Variants in TSPEAR observed in about 807,000 individuals in gnomAD.
TSPEAR encodes the protein thrombospondin type laminin G domain and EAR repeats, also known as thrombospondin-type laminin G domain and EAR repeat-containing protein.
TSPEAR carries 69 observed loss-of-function variants against 71.6 expected under a neutral mutation model. That is an observed-to-expected ratio of 0.96 (90% CI 0.79 to 1.18). TSPEAR has a LOEUF of 1.18. Among genes scored for constraint, TSPEAR ranks in the 50% most tolerant of loss-of-function variants. TSPEAR has a pLI of 0.00. For synonymous variants in TSPEAR, 402 were observed against 387.2 expected, an observed-to-expected ratio of 1.04 and a Z score of -0.45; for missense variants, 971 against 894.9, an observed-to-expected ratio of 1.09 and a Z score of -1.09.
At chr21:44,500,792 T>C (rs938818884) in intron 11 of TSPEAR, among the ~76,000 whole-genome samples, 5 of 152,262 alleles carry the variant, frequency 3.3e-5, no homozygotes, top group Admixed American at 3.3e-4. Flanking sequence ...TTTGTCCATT[T>C]TTCCAAATTT....
In TSPEAR at chr21:44,558,090, G is replaced by A. The variant is rs76994627; in HGVS notation, c.303+9695C>T. ...CTGGCCTGAGGAGAGGCCGCAGCAC[G>A]CGGAAGAGAGGCGGGAGCACGTGGG... On this transcript the variant is annotated intron_variant, in intron 2 of 11. Transcript: ENST00000323084. 1.3e-3 allele frequency: 2,076 copies of A among 1,612,522 alleles called. 39 individuals are homozygous for A. The African/African-American group carries it at 0.025, about 19-fold the overall frequency.
chr21:44,630,043 G>A (rs990606815), intron 1 of TSPEAR, among the ~76,000 whole-genome samples: 5 of 152,154 alleles, frequency 3.3e-5, no homozygotes, highest in African/African-American at 1.2e-4. Context: ...GGGCTTCAGG[G>A]GCCGTGGTAC....
chr21:44,688,724 A>G (rs1986975076), intron 1 of TSPEAR, among the ~76,000 whole-genome samples: 1 of 152,032 alleles, frequency 6.6e-6, no homozygotes. Context: ...AAAAAAAATG[A>G]AAAGGAAAGA....
rs587625632 is a variant in TSPEAR, at chr21:44,532,144, C to T, written c.543-1011G>A. 3.3e-5 allele frequency among the ~76,000 whole-genome samples: 5 copies of T among 152,368 alleles called. No individual in the cohort carries two copies. The East Asian group carries it at 7.7e-4, about 23-fold the overall frequency. On this transcript the variant is annotated intron_variant, in intron 3 of 11. Transcript: ENST00000323084. ...CAGCCTGCCAAGGGGTTAAGTTCTT[C>T]CGTGGCCACAATTGGTTCCAGGCCT...
Position 44,644,559 on chromosome 21 carries a change from G to A in TSPEAR, c.82+66874C>T, listed in dbSNP as rs937982759. ...GAAGCAGACAGAAACAGGTTAGGGA[G>A]TAAATTGGAGCAGGACCCTAATGCA... On this transcript the variant is annotated intron_variant, in intron 1 of 11. Transcript: ENST00000323084. Among the ~76,000 whole-genome samples, 12 of 152,218 alleles carry A rather than the reference G, an allele frequency of 7.9e-5. No homozygotes were observed. The East Asian group carries it at 1.7e-3, about 22-fold the overall frequency.
At chr21:44,645,571 C>T (rs1017031830) in intron 1 of TSPEAR, among the ~76,000 whole-genome samples, 1 of 151,836 alleles carries the variant, frequency 6.6e-6, no homozygotes, top group African/African-American at 2.4e-5. Context: ...CCAGGCTGGT[C>T]TCAAACTCCT....
chr21:44,579,116 G>A (rs233286), intron 1 of TSPEAR, among the ~76,000 whole-genome samples: 31,625 of 152,180 alleles, frequency 0.21, 4,204 homozygotes, highest in South Asian at 0.32. Flanking sequence ...TGGAGGCTGC[G>A]GTGCCCGGAC....
intron 1 of TSPEAR, chr21:44,677,285 C>G: frequency 1.3e-6 from 1 of 784,378 alleles, no homozygotes. Context: ...GTTCCTTCAA[C>G]GCACCTTGCA....
In TSPEAR at chr21:44,633,995, A is replaced by C. The variant is rs887534087; in HGVS notation, c.83-65990T>G. On this transcript the variant is annotated intron_variant, in intron 1 of 11. Transcript: ENST00000323084. Reference sequence around the variant, plus strand: ...AATGATGGCTTATGCCTGTAATCCCAACTACTCAGGAGGTTGAGATGAGAG... The same window carrying C: ...AATGATGGCTTATGCCTGTAATCCCCACTACTCAGGAGGTTGAGATGAGAG... Among the ~76,000 whole-genome samples the C allele has an allele frequency of 3.9e-5, 6 of 152,188 alleles. No homozygotes were observed. The South Asian group carries it at 1.2e-3, about 32-fold the overall frequency.
intron 2 of TSPEAR, chr21:44,539,997 G>A (rs782560857): frequency 2.6e-4 from 414 of 1,613,142 alleles, no homozygotes; most frequent in African/African-American, 2.5e-3. Context: ...CTGGACACAC[G>A]GCTCACTGGG....
intron 1 of TSPEAR, among the ~76,000 whole-genome samples, chr21:44,573,127 G>A (rs587723342): frequency 6.6e-6 from 1 of 152,186 alleles, no homozygotes; most frequent in South Asian, 2.1e-4. Flanking sequence ...GTTTGTCATG[G>A]CAGCCCAAGG....
At chr21:44,697,690 G>T (rs781816129) in intron 1 of TSPEAR, 1 of 1,612,814 alleles carries the variant, frequency 6.2e-7, no homozygotes, top group East Asian at 2.2e-5. Context: ...TCTGCTGTGT[G>T]CCTGTCTGCT....
Position 44,580,288 on chromosome 21 carries a change from C to T in TSPEAR, c.83-12283G>A, listed in dbSNP as rs376100737. The T allele has an allele frequency of 5.6e-6, 9 of 1,601,932 alleles. No homozygotes were observed. In the African/African-American group the frequency reaches 8.4e-5, roughly 15 times the overall value. ...CCTTAGAGCAGGTGGGCAGGCAGCA[C>T]ACAGGCTTGCAGCAGACGGGCACGC... On this transcript the variant is annotated intron_variant, in intron 1 of 11. Transcript: ENST00000323084.
intron 2 of TSPEAR, among the ~76,000 whole-genome samples, chr21:44,543,275 A>T (rs587681922): frequency 6.6e-6 from 1 of 152,382 alleles, no homozygotes; most frequent in Admixed American, 6.5e-5. Flanking sequence ...TAAAATATTT[A>T]TGGAAATAAA....
At chr21:44,676,597 TCAGA>T in intron 1 of TSPEAR, 1 of 731,976 alleles carries the variant, frequency 1.4e-6, no homozygotes, top group East Asian at 2.5e-5. Flanking sequence ...CGAGAGTTTC[TCAGA>T]CAGGTTCTGC....
intron 1 of TSPEAR, chr21:44,697,817 G>GC: frequency 6.2e-7 from 1 of 1,613,198 alleles, no homozygotes; most frequent in Non-Finnish European, 8.5e-7. Flanking sequence ...GTGCAGACCC[G>GC]CCCGCCGCGT....
At chr21:44,704,309 C>T (rs1555951971) in intron 1 of TSPEAR, among the ~76,000 whole-genome samples, 1 of 144,248 alleles carries the variant, frequency 6.9e-6, no homozygotes, top group African/African-American at 2.5e-5. Context: ...AAGCCAGTTT[C>T]CCACTTCCCT....
At chr21:44,677,829 A>C (rs587659674) in intron 1 of TSPEAR, 1 of 1,304,398 alleles carries the variant, frequency 7.7e-7, no homozygotes, top group African/African-American at 1.5e-5. Context: ...AACCACCTCG[A>C]AGAGTTTGTC....
intron 8 of TSPEAR, among the ~76,000 whole-genome samples, chr21:44,524,818 A>G (rs1210138744): frequency 1.3e-5 from 2 of 151,932 alleles, no homozygotes; most frequent in African/African-American, 2.4e-5. Context: ...ATAGACAGTC[A>G]GGTAGTTAGT....
Sources: gnomAD v4.1 joint callset for allele counts (sites outside exome capture counted in the v4.1 genomes callset) on GRCh38, gnomAD v4.1.1 for gene constraint, MANE v1.5 for transcripts, NCBI Gene and HGNC (gene_info 2026-07-23, HGNC 2026-07-21) for gene names.